The following C1orf105 variants were observed in gnomAD, a reference collection of about 807,000 sequenced individuals.
C1orf105 encodes the protein uncharacterized protein C1orf105.
In C1orf105, 17 loss-of-function variants were observed where a neutral mutation model predicts 20.8. The ratio of observed to expected loss-of-function variants is 0.82; its 90% CI spans 0.56 to 1.23. The LOEUF (loss-of-function observed/expected upper bound fraction) is 1.23, where lower values mean the gene tolerates loss of function less well. Among genes scored for constraint, C1orf105 ranks in the 50% most tolerant of loss-of-function variants. C1orf105 has a pLI of 0.00. For synonymous variants in C1orf105, 72 were observed against 72.1 expected (o/e 1.00, Z 0.01); for missense variants, 219 against 213.5 (o/e 1.03, Z -0.16).
intron 3 of C1orf105, among the ~76,000 whole-genome samples, chr1:172,449,886 C>G (rs909069824): frequency 4.6e-5 from 7 of 152,308 alleles, no homozygotes; most frequent in South Asian, 2.1e-4. Context: ...CCTATTTAGA[C>G]AGGTCTCACC....
At chr1:172,437,168 A>G (rs1392264906) in intron 1 of C1orf105, among the ~76,000 whole-genome samples, 1 of 152,204 alleles carries the variant, frequency 6.6e-6, no homozygotes, top group Non-Finnish European at 1.5e-5. Flanking sequence ...ATTGTGGAAG[A>G]CAGTGTGGCG....
intron 6 of C1orf105, among the ~76,000 whole-genome samples, chr1:172,467,474 C>T (rs532115588): frequency 5.3e-5 from 8 of 152,310 alleles, no homozygotes; most frequent in South Asian, 2.1e-4. Flanking sequence ...ATGACACCCA[C>T]GGACTCTTAA....
chr1:172,421,025 T>C (rs913590245), intron 1 of C1orf105, 119 bp downstream of exon 1: 9 of 917,444 alleles, frequency 9.8e-6, no homozygotes, highest in African/African-American at 3.4e-5. Flanking sequence ...ATCCTAGAAG[T>C]TGAAAGCCAA....
At chr1:172,432,738 A>C (rs190714588) in intron 1 of C1orf105, among the ~76,000 whole-genome samples, 1 of 152,376 alleles carries the variant, frequency 6.6e-6, no homozygotes, top group Non-Finnish European at 1.5e-5. Context: ...CCTCGCCAGC[A>C]ATGGAACAAA....
At chr1:172,465,541 A>G (rs951844949) in intron 6 of C1orf105, 178 bp downstream of exon 6, 33 of 683,488 alleles carry the variant, frequency 4.8e-5, no homozygotes, top group Middle Eastern at 2.4e-4. Flanking sequence ...CCCTTCTTTC[A>G]CTCCAGCACC....
intron 1 of C1orf105, chr1:172,444,290 G>C (rs1026144456): frequency 1.4e-5 from 14 of 985,362 alleles, no homozygotes; most frequent in Admixed American, 6.1e-5. Flanking sequence ...GACTGGGTAA[G>C]GCAAGAGAGG....
chr1:172,458,064 G>C (rs80098384), intron 4 of C1orf105, among the ~76,000 whole-genome samples: 5,889 of 152,202 alleles, frequency 0.039, 390 homozygotes, highest in African/African-American at 0.13. Context: ...CCTAGGAATA[G>C]AAGGGAACTT....
chr1:172,443,485 C>CTTAG (rs1190349422), intron 1 of C1orf105: 2 of 167,098 alleles, frequency 1.2e-5, no homozygotes, highest in African/African-American at 4.8e-5. Context: ...ATTAGCTGAG[C>CTTAG]TTAGCATCCT....
At chr1:172,455,210 C>T (rs1649107112) in intron 3 of C1orf105, among the ~76,000 whole-genome samples, 1 of 152,116 alleles carries the variant, frequency 6.6e-6, no homozygotes, top group African/African-American at 2.4e-5. Context: ...AGCCCTCAAA[C>T]CCCCCATGAT....
At chr1:172,426,858 C>G (rs1000696648) in intron 1 of C1orf105, among the ~76,000 whole-genome samples, 4 of 152,146 alleles carry the variant, frequency 2.6e-5, no homozygotes, top group African/African-American at 9.7e-5. Flanking sequence ...GCATATATAC[C>G]TGTCTCCCTT....
At chr1:172,465,713 G>C in intron 6 of C1orf105, 1 of 471,720 alleles carries the variant, frequency 2.1e-6, no homozygotes. Context: ...AATGGGAAGG[G>C]AACTGCATCT....
chr1:172,443,137 G>A (rs544154715), intron 1 of C1orf105: 5 of 168,560 alleles, frequency 3.0e-5, no homozygotes, highest in African/African-American at 1.2e-4. Flanking sequence ...TGAGATTCAA[G>A]ATGCTTAAGT....
rs1178696545 is a variant in C1orf105, at chr1:172,441,609, A to T, written c.22-3464A>T. The T allele has an allele frequency of 1.1e-5, 10 of 918,112 alleles. No individual in the cohort carries two copies. The Admixed American group carries it at 1.6e-4, about 15-fold the overall frequency. The allele number at this position is 918,112 out of a possible 1,614,324, so 56.9% of individuals were successfully genotyped here. A position where few individuals can be genotyped will look rare whatever the true frequency, so the allele number is the denominator to read the frequency against. On this transcript the variant is annotated intron_variant, in intron 1 of 6. Transcript: ENST00000367727. ...CTTTGGTTCATTTTTTTTGGTTTTG[A>T]TCTCTATTCTCTTACCACAATGACA...
intron 3 of C1orf105, among the ~76,000 whole-genome samples, chr1:172,452,510 GAGAGAGAAAGAAAGGGAGCGAA>G (rs1648763560): frequency 6.6e-6 from 1 of 150,726 alleles, no homozygotes; most frequent in Non-Finnish European, 1.5e-5. Flanking sequence ...AGGTGTGTAA[GAGAGAGAAAGAAAGGGAGCGAA>G]AGAGAGAAAG....
chr1:172,458,047 A>G (rs1386521530), intron 4 of C1orf105, among the ~76,000 whole-genome samples: 1 of 152,196 alleles, frequency 6.6e-6, no homozygotes, highest in African/African-American at 2.4e-5. Context: ...GAATATATAA[A>G]AAGACTCCTA....
At chr1:172,460,505 C>G (rs1046530153) in intron 4 of C1orf105, among the ~76,000 whole-genome samples, 1 of 152,148 alleles carries the variant, frequency 6.6e-6, no homozygotes, top group Non-Finnish European at 1.5e-5. Flanking sequence ...TAATTAACAC[C>G]TTCAAGCCCC....
rs371175765 is a variant in C1orf105 at position 172,442,550 on chromosome 1, G to A, written c.22-2523G>A. ...AATCGCCGGTCCACATAGTTATCAG[G>A]AAAGGGCTGTCGCTCATACAAGACC... On this transcript the variant is annotated intron_variant, in intron 1 of 6. Transcript: ENST00000367727. 3.1e-6 allele frequency: 5 copies of A among 1,614,042 alleles called. No homozygotes were observed. In the African/African-American group the frequency reaches 5.3e-5, roughly 17 times the overall value.
At chr1:172,432,451 G>A (rs180959851) in intron 1 of C1orf105, among the ~76,000 whole-genome samples, 29 of 152,302 alleles carry the variant, frequency 1.9e-4, no homozygotes, top group African/African-American at 3.6e-4. Flanking sequence ...TGCAGCCTCC[G>A]CTGGTGATAA....
At chr1:172,444,473 G>A (rs79638479) in intron 1 of C1orf105, among the ~76,000 whole-genome samples, 1 of 152,218 alleles carries the variant, frequency 6.6e-6, no homozygotes, top group Non-Finnish European at 1.5e-5. Flanking sequence ...TGATACAGCC[G>A]TGAATGAAAC....
Sources: gnomAD v4.1 joint callset for allele counts (sites outside exome capture counted in the v4.1 genomes callset) on GRCh38, gnomAD v4.1.1 for gene constraint, MANE v1.5 for transcripts, NCBI Gene and HGNC (gene_info 2026-07-23, HGNC 2026-07-21) for gene names.